SCN8A: variants seen among roughly 807,000 people sequenced by gnomAD.
SCN8A encodes sodium voltage-gated channel alpha subunit 8, also known as sodium channel protein type 8 subunit alpha.
In SCN8A, 30 loss-of-function variants were observed where a neutral mutation model predicts 184.1. The ratio of observed to expected loss-of-function variants is 0.16; its 90% confidence interval spans 0.12 to 0.22. The LOEUF is 0.22. SCN8A is among the 10% of genes least tolerant of loss of function. The pLI, the probability that SCN8A is intolerant of heterozygous loss-of-function variation, is 1.00. For missense variants in SCN8A, 1,057 were observed against 2,498.9 expected (o/e 0.42, Z 12.30); for synonymous variants, 852 against 907.0 (o/e 0.94, Z 1.09).
chr12:51,721,081 T>TTATATA (rs58356368), intron 11 of SCN8A, among the ~76,000 whole-genome samples: 1,240 of 86,752 alleles, frequency 0.014, 19 homozygotes, highest in South Asian at 0.026. Flanking sequence ...AAAAAAAAAA[T>TTATATA]TATATATATA....
chr12:51,767,774 C>G (rs1942860986), intron 16 of SCN8A, among the ~76,000 whole-genome samples: 1 of 152,202 alleles, frequency 6.6e-6, no homozygotes, highest in Non-Finnish European at 1.5e-5. Flanking sequence ...GTAGCCTAAT[C>G]CAGACCCTTA....
intron 1 of SCN8A, among the ~76,000 whole-genome samples, chr12:51,637,030 T>C (rs1940333054): frequency 6.6e-6 from 1 of 152,230 alleles, no homozygotes; most frequent in Admixed American, 6.5e-5. Flanking sequence ...CTGTGTCACA[T>C]TTTGGTAATT....
At chr12:51,780,365 G>T in intron 20 of SCN8A, 1 of 344,776 alleles carries the variant, frequency 2.9e-6, no homozygotes, top group Non-Finnish European at 5.5e-6. Context: ...TTTCCAACTT[G>T]TGTGTATGTT....
chr12:51,737,137 C>T (rs1942339063), intron 12 of SCN8A, among the ~76,000 whole-genome samples: 1 of 152,174 alleles, frequency 6.6e-6, no homozygotes, highest in Non-Finnish European at 1.5e-5. Context: ...TTTGTGCCTT[C>T]GTGAGAGGGA....
chr12:51,721,081 TTATATATATATATATA>T (rs58356368), intron 11 of SCN8A, among the ~76,000 whole-genome samples: 1 of 86,818 alleles, frequency 1.2e-5, no homozygotes, highest in African/African-American at 4.7e-5. Flanking sequence ...AAAAAAAAAA[TTATATATATATATATA>T]TATATATATA....
rs1942687059 is a variant in SCN8A, at chr12:51,757,085, T to C, written c.2371-5418T>C. Among the ~76,000 whole-genome samples, 3 of 152,218 alleles carry C rather than the reference T, an allele frequency of 2.0e-5. No homozygotes were observed. The South Asian group carries it at 6.2e-4, about 32-fold the overall frequency. ...ATACTTGTCACATGATTTTTAGTTA[T>C]TGTTCTGTCCCCTCCTGGTTGGGTA... On this transcript the variant is annotated intron_variant, in intron 14 of 26. Transcript: ENST00000627620.
intron 26 of SCN8A, among the ~76,000 whole-genome samples, chr12:51,802,184 G>C (rs1227015122): frequency 1.3e-5 from 2 of 152,166 alleles, no homozygotes; most frequent in East Asian, 3.8e-4. Flanking sequence ...AGGGGTGTTG[G>C]GGGTGGGTTC....
intron 6 of SCN8A, among the ~76,000 whole-genome samples, chr12:51,692,089 A>G (rs907233561): frequency 1.3e-5 from 2 of 152,210 alleles, no homozygotes; most frequent in Non-Finnish European, 2.9e-5. Flanking sequence ...CTCGTGGATC[A>G]CTTCAGTGGA....
chr12:51,718,940 T>G (rs1337373952), intron 11 of SCN8A, among the ~76,000 whole-genome samples: 1 of 151,990 alleles, frequency 6.6e-6, no homozygotes, highest in African/African-American at 2.4e-5. Context: ...AATTGAGTTT[T>G]CAGTTCTTTG....
intron 6 of SCN8A, among the ~76,000 whole-genome samples, chr12:51,694,334 AT>A (rs1197398956): frequency 1.3e-4 from 20 of 152,222 alleles, no homozygotes; most frequent in African/African-American, 4.8e-4. Context: ...GGCATTGTTC[AT>A]TTGTTCACAG....
intron 1 of SCN8A, among the ~76,000 whole-genome samples, chr12:51,647,995 A>G (rs1252450570): frequency 6.6e-6 from 1 of 152,144 alleles, no homozygotes; most frequent in Non-Finnish European, 1.5e-5. Context: ...TTGCTATTAA[A>G]TCTTTCCCTT....
intron 2 of SCN8A, among the ~76,000 whole-genome samples, chr12:51,664,109 G>A (rs1940981821): frequency 6.6e-6 from 1 of 151,678 alleles, no homozygotes; most frequent in East Asian, 1.9e-4. Context: ...TCTTTCACTG[G>A]GAAATCTAGA....
chr12:51,605,587 T>A (rs185038472), intron 1 of SCN8A, among the ~76,000 whole-genome samples: 2 of 152,336 alleles, frequency 1.3e-5, no homozygotes, highest in East Asian at 3.9e-4. Context: ...TATAATGACT[T>A]CTTTTCCTCT....
rs569345661 is a variant in SCN8A, at chr12:51,611,363, C to T, written c.-55+20004C>T. On this transcript the variant is annotated intron_variant, in intron 1 of 26. Transcript: ENST00000627620. ...ATTTTTAGTAGAGATGGGGTTTCACCGGGTTAGCCAAGGATGGTCTCGATC... is the reference window on the plus strand; with the variant it reads ...ATTTTTAGTAGAGATGGGGTTTCACTGGGTTAGCCAAGGATGGTCTCGATC... Among the ~76,000 whole-genome samples the T allele has an allele frequency of 8.2e-4, 124 of 152,132 alleles. 1 individual carries two copies. The highest frequency in any genetic ancestry group is 2.2e-3 in the African/African-American group (92 of 41,496).
chr12:51,677,154 G>T (rs1941236633), intron 2 of SCN8A, among the ~76,000 whole-genome samples: 1 of 151,388 alleles, frequency 6.6e-6, no homozygotes, highest in Non-Finnish European at 1.5e-5. Context: ...GGAGAGCAGA[G>T]CTCACTGCAG....
chr12:51,714,273 C>G (rs1027159637), intron 11 of SCN8A, among the ~76,000 whole-genome samples: 2 of 152,160 alleles, frequency 1.3e-5, no homozygotes, highest in Non-Finnish European at 2.9e-5. Flanking sequence ...TAACTTTGTA[C>G]TCTGTTATAG....
At chr12:51,801,818 G>A (rs1938562993) in intron 26 of SCN8A, among the ~76,000 whole-genome samples, 1 of 152,176 alleles carries the variant, frequency 6.6e-6, no homozygotes, top group South Asian at 2.1e-4. Context: ...ACTTTGGGAG[G>A]CTGAGGGGGG....
chr12:51,742,785 T>C (rs1205820752), intron 12 of SCN8A, among the ~76,000 whole-genome samples: 1 of 152,150 alleles, frequency 6.6e-6, no homozygotes, highest in Non-Finnish European at 1.5e-5. Context: ...TGAATAAACT[T>C]TCTATCCGTA....
At chr12:51,787,469 G>A (rs1287324954) in intron 22 of SCN8A, among the ~76,000 whole-genome samples, 3 of 152,186 alleles carry the variant, frequency 2.0e-5, no homozygotes, top group Non-Finnish European at 1.5e-5. Flanking sequence ...TTTGAAATTA[G>A]ACTGTTATAG....
Sources: allele counts gnomAD v4.1 joint callset (sites outside exome capture counted in the v4.1 genomes callset), GRCh38; gene constraint gnomAD v4.1.1; transcripts MANE v1.5; gene names NCBI Gene and HGNC (gene_info 2026-07-23, HGNC 2026-07-21).